CCDC171: variants seen among roughly 807,000 people sequenced by gnomAD.
CCDC171 encodes the protein coiled-coil domain-containing protein 171.
In CCDC171, 177 loss-of-function variants were observed where a neutral mutation model predicts 168.2. The observed-to-expected ratio is 1.05, with a 90% CI of 0.93 to 1.19. The LOEUF is 1.19. CCDC171 is among the 50% of genes most tolerant of loss of function. The pLI, the probability that CCDC171 is intolerant of heterozygous loss-of-function variation, is 0.00. For synonymous variants in CCDC171, 687 were observed against 540.8 expected (o/e 1.27, Z -3.75); for missense variants, 1,991 against 1,539.0 (o/e 1.29, Z -4.91).
chr9:15,768,806 A>C (rs1032174012), intron 18 of CCDC171, among the ~76,000 whole-genome samples: 6 of 152,190 alleles, frequency 3.9e-5, no homozygotes, highest in Non-Finnish European at 8.8e-5. Flanking sequence ...TCATGGGGTT[A>C]TAATGATGGT....
chr9:15,937,199 G>A (rs1287543185), intron 25 of CCDC171, among the ~76,000 whole-genome samples: 1 of 151,888 alleles, frequency 6.6e-6, no homozygotes, highest in Non-Finnish European at 1.5e-5. Flanking sequence ...TTGCTGTTAG[G>A]AAATAAAATT....
chr9:15,979,860 T>C (rs1156822919), intron 3 of CCDC171, among the ~76,000 whole-genome samples: 2 of 152,086 alleles, frequency 1.3e-5, no homozygotes, highest in Non-Finnish European at 2.9e-5. Flanking sequence ...AGGGTTAATG[T>C]TAATTTTTTG....
At position 15,621,005 on chromosome 9, in the gene CCDC171, G is replaced by A. The variant is rs1368482575; in HGVS notation, c.676-2262G>A. ...TTTTGAGACAGAGTCCTGCTCTCTCGCCCAGGCTGGAGTGCAGTGGCGTGA... is the reference window on the plus strand; with the variant it reads ...TTTTGAGACAGAGTCCTGCTCTCTCACCCAGGCTGGAGTGCAGTGGCGTGA... On this transcript the variant is annotated intron_variant, in intron 6 of 25. Transcript: ENST00000380701. Among the ~76,000 whole-genome samples, 8 of 152,102 alleles carry A rather than the reference G, an allele frequency of 5.3e-5. No individual in the cohort carries two copies. The East Asian group carries it at 9.7e-4, about 18-fold the overall frequency.
intron 18 of CCDC171, among the ~76,000 whole-genome samples, chr9:15,746,038 A>G (rs558217580): frequency 6.6e-6 from 1 of 152,256 alleles, no homozygotes; most frequent in African/African-American, 2.4e-5. Flanking sequence ...GTTTTGTGAT[A>G]TATTTTTTTA....
intron 21 of CCDC171, among the ~76,000 whole-genome samples, chr9:15,786,906 C>T (rs1397631368): frequency 2.0e-5 from 3 of 152,086 alleles, no homozygotes; most frequent in African/African-American, 7.2e-5. Flanking sequence ...CTTTCCACTG[C>T]CTACCCGAGT....
At chr9:15,581,420 G>GA (rs1026013557) in intron 4 of CCDC171, among the ~76,000 whole-genome samples, 1 of 152,056 alleles carries the variant, frequency 6.6e-6, no homozygotes, top group East Asian at 1.9e-4. Context: ...CACAGAACTG[G>GA]AAAAAACTAC....
chr9:15,824,549 TG>T (rs1348553955), intron 21 of CCDC171, among the ~76,000 whole-genome samples: 1 of 152,060 alleles, frequency 6.6e-6, no homozygotes, highest in African/African-American at 2.4e-5. Context: ...TCTCCTGGTC[TG>T]AATTTACAAA....
At chr9:15,859,494 A>T (rs1195335493) in intron 23 of CCDC171, among the ~76,000 whole-genome samples, 4 of 151,992 alleles carry the variant, frequency 2.6e-5, no homozygotes, top group Non-Finnish European at 5.9e-5. Context: ...TATAGAATTC[A>T]TCAGTAAAGC....
chr9:15,709,253 A>G (rs1340125668), intron 11 of CCDC171, among the ~76,000 whole-genome samples: 4 of 152,210 alleles, frequency 2.6e-5, no homozygotes, highest in African/African-American at 9.7e-5. Flanking sequence ...AAAGAATGAC[A>G]TAAGGAAGGA....
At chr9:15,851,891 C>T (rs557579979) in intron 23 of CCDC171, among the ~76,000 whole-genome samples, 2 of 152,012 alleles carry the variant, frequency 1.3e-5, no homozygotes, top group South Asian at 4.1e-4. Context: ...GGTCATTCAT[C>T]TTGTGGCGTG....
At chr9:15,729,834 T>C (rs372314240) in intron 16 of CCDC171, 36 bp downstream of exon 16, 2 of 1,572,340 alleles carry the variant, frequency 1.3e-6, no homozygotes, top group South Asian at 1.2e-5. Context: ...AAAAAATGGG[T>C]TACTCAGTGT....
rs1351857420 is a variant in CCDC171 at position 15,820,729 on chromosome 9, T to C, written c.3268-25973T>C. Among the ~76,000 whole-genome samples the C allele has an allele frequency of 2.6e-5, 3 of 116,892 alleles. 1 individual carries two copies. The highest frequency in any genetic ancestry group is 5.8e-5 in the Non-Finnish European group (3 of 52,150). The allele number at this position is 116,892 out of a possible 152,430, so 76.7% of individuals were successfully genotyped here. On this transcript the variant is annotated intron_variant, in intron 21 of 25. Coordinates refer to ENST00000380701, the MANE Select transcript of CCDC171 (RefSeq NM_173550.4). ...CAACCAAAAAAAGTCCAGGACCAGA[T>C]GGATTCACAGCCGAATTCTACCAGA...
chr9:15,705,486 A>G (rs1266174014), intron 11 of CCDC171, among the ~76,000 whole-genome samples: 2 of 152,264 alleles, frequency 1.3e-5, no homozygotes, highest in African/African-American at 4.8e-5. Context: ...TATGCCAAGC[A>G]TGCTTTTGCC....
chr9:15,725,295 A>G (rs2053728484), intron 14 of CCDC171, among the ~76,000 whole-genome samples: 1 of 152,114 alleles, frequency 6.6e-6, no homozygotes, highest in African/African-American at 2.4e-5. Flanking sequence ...TGACAAAATT[A>G]TTTTTATTTC....
At chr9:15,838,722 A>G (rs568727444) in intron 21 of CCDC171, among the ~76,000 whole-genome samples, 1 of 152,276 alleles carries the variant, frequency 6.6e-6, no homozygotes, top group African/African-American at 2.4e-5. Flanking sequence ...ATTCACCACC[A>G]CGCCTGGCTG....
chr9:15,718,309 G>T (rs2053223016), intron 11 of CCDC171, among the ~76,000 whole-genome samples: 1 of 152,076 alleles, frequency 6.6e-6, no homozygotes, highest in Non-Finnish European at 1.5e-5. Flanking sequence ...AGCCTCAGTA[G>T]AATAGAGTAC....
chr9:15,870,128 A>G (rs1248582585), intron 23 of CCDC171, among the ~76,000 whole-genome samples: 1 of 60,850 alleles, frequency 1.6e-5, no homozygotes, highest in Non-Finnish European at 5.3e-5. Context: ...TTTATAATAG[A>G]CAGTGGGCTG....
At chr9:15,694,470 T>TA (rs1424676852) in intron 10 of CCDC171, among the ~76,000 whole-genome samples, 2 of 152,204 alleles carry the variant, frequency 1.3e-5, no homozygotes, top group Non-Finnish European at 2.9e-5. Flanking sequence ...TCATGATTGA[T>TA]ACCTCCTGCC....
intron 25 of CCDC171, among the ~76,000 whole-genome samples, chr9:15,969,711 C>A (rs1295378205): frequency 1.3e-5 from 2 of 152,108 alleles, no homozygotes; most frequent in African/African-American, 2.4e-5. Context: ...GAAAATCAGG[C>A]CCCACCATTT....
Sources: gnomAD v4.1 joint callset for allele counts (sites outside exome capture counted in the v4.1 genomes callset) on GRCh38, gnomAD v4.1.1 for gene constraint, MANE v1.5 for transcripts, NCBI Gene and HGNC (gene_info 2026-07-23, HGNC 2026-07-21) for gene names.